Variants in STPG2 observed in about 807,000 individuals in gnomAD.
STPG2 encodes sperm tail PG-rich repeat containing 2, also known as sperm-tail PG-rich repeat-containing protein 2.
Under a neutral mutation model 54.2 loss-of-function variants are expected in STPG2, and 56 were observed. That is an observed-to-expected ratio of 1.03 (90% CI 0.83 to 1.29). STPG2 has a LOEUF of 1.29. Ranked by LOEUF, STPG2 falls within the 50% of genes most tolerant of loss-of-function variation. The pLI is 0.00. For synonymous variants in STPG2, 200 were observed against 181.8 expected (o/e 1.10, Z -0.81); for missense variants, 596 against 544.9 (o/e 1.09, Z -0.93).
intron 5 of STPG2, among the ~76,000 whole-genome samples, chr4:98,095,137 T>C (rs531433456): frequency 5.9e-5 from 9 of 152,250 alleles, no homozygotes; most frequent in African/African-American, 1.7e-4. Context: ...TACAAGATAG[T>C]ATTTGGAAGC....
rs544064631 is a variant in STPG2 at position 98,021,298 on chromosome 4, G to A, written c.613-39980C>T. 2.4e-5 allele frequency among the ~76,000 whole-genome samples: 3 copies of A among 126,258 alleles called. 1 individual carries two copies. The highest frequency in any genetic ancestry group is 1.5e-4 in the Admixed American group (2 of 13,304). 82.8% of individuals were successfully genotyped at this position (126,258 alleles called of 152,430 possible). ...TTTACCCAGTAGTCATTCAGGAGCA[G>A]GTTGTTCAGTTTCCATGTAGTTGAG... On this transcript the variant is annotated intron_variant, in intron 5 of 10. Coordinates refer to ENST00000295268, the MANE Select transcript of STPG2 (RefSeq NM_174952.3).
chr4:97,536,802 T>C (rs1467097692), intron 4 of STPG2, among the ~76,000 whole-genome samples: 1 of 152,200 alleles, frequency 6.6e-6, no homozygotes, highest in Non-Finnish European at 1.5e-5. Flanking sequence ...TGCTCCATCA[T>C]GGAACTCATA....
intron 5 of STPG2, among the ~76,000 whole-genome samples, chr4:98,014,465 A>G (rs1461547159): frequency 6.6e-6 from 1 of 152,106 alleles, no homozygotes; most frequent in East Asian, 1.9e-4. Context: ...CTCGGTTGCC[A>G]GTGCAAAATT....
intron 9 of STPG2, among the ~76,000 whole-genome samples, chr4:97,784,570 T>C (rs1472621858): frequency 1.3e-5 from 2 of 151,886 alleles, no homozygotes; most frequent in African/African-American, 4.8e-5. Flanking sequence ...CAAGTATAAA[T>C]GGTAGTAGTA....
intron 4 of STPG2, among the ~76,000 whole-genome samples, chr4:97,454,440 G>A (rs1020069532): frequency 4.1e-5 from 6 of 146,910 alleles, no homozygotes; most frequent in Middle Eastern, 3.8e-3. Context: ...GTGAACCCGG[G>A]AAGCAGAGCT....
chr4:97,933,939 A>G (rs1369744677), intron 8 of STPG2, among the ~76,000 whole-genome samples: 1 of 152,204 alleles, frequency 6.6e-6, no homozygotes, highest in African/African-American at 2.4e-5. Flanking sequence ...CATTGAATCT[A>G]TAAATTACTT....
At chr4:97,889,041 C>T (rs1730676487) in intron 8 of STPG2, among the ~76,000 whole-genome samples, 1 of 152,102 alleles carries the variant, frequency 6.6e-6, no homozygotes, top group African/African-American at 2.4e-5. Context: ...TAGCATCATG[C>T]TTCCTGTACA....
chr4:97,896,970 C>G (rs753345314), intron 8 of STPG2, among the ~76,000 whole-genome samples: 1 of 151,864 alleles, frequency 6.6e-6, no homozygotes, highest in African/African-American at 2.4e-5. Context: ...AAAGCTGTGT[C>G]ATGAGGGTTT....
At chr4:97,862,615 C>A (rs112244722) in intron 8 of STPG2, among the ~76,000 whole-genome samples, 1 of 152,116 alleles carries the variant, frequency 6.6e-6, no homozygotes, top group Non-Finnish European at 1.5e-5. Context: ...ATCTGCAGAA[C>A]GGTCCACCCC....
chr4:97,632,050 A>G (rs1333472889), intron 10 of STPG2, among the ~76,000 whole-genome samples: 2 of 152,088 alleles, frequency 1.3e-5, no homozygotes, highest in Non-Finnish European at 2.9e-5. Context: ...GTCTATATTC[A>G]AAAGAGATAA....
chr4:97,738,614 A>C (rs996634618), intron 9 of STPG2, among the ~76,000 whole-genome samples: 1 of 152,228 alleles, frequency 6.6e-6, no homozygotes, highest in African/African-American at 2.4e-5. Context: ...AGAGACAAAC[A>C]AGGCCATTAC....
intron 5 of STPG2, among the ~76,000 whole-genome samples, chr4:97,999,252 A>G (rs1735336121): frequency 6.6e-6 from 1 of 152,220 alleles, no homozygotes; most frequent in Non-Finnish European, 1.5e-5. Context: ...AATTATTTCA[A>G]AAACAACATA....
intron 9 of STPG2, among the ~76,000 whole-genome samples, chr4:97,779,690 A>G (rs1021498198): frequency 1.3e-5 from 2 of 152,194 alleles, no homozygotes; most frequent in Non-Finnish European, 2.9e-5. Flanking sequence ...AGAAAGATCG[A>G]GTTACCCACA....
At chr4:98,016,897 A>T (rs1204359663) in intron 5 of STPG2, among the ~76,000 whole-genome samples, 4 of 152,194 alleles carry the variant, frequency 2.6e-5, no homozygotes, top group African/African-American at 9.6e-5. Context: ...TTTACAAACA[A>T]GCTTCAGCAG....
At chr4:97,894,500 G>A (rs1036399565) in intron 8 of STPG2, among the ~76,000 whole-genome samples, 6 of 151,820 alleles carry the variant, frequency 4.0e-5, no homozygotes, top group Non-Finnish European at 8.8e-5. Context: ...CTGTAACTTT[G>A]TCTTCTAGCA....
chr4:98,061,615 A>G (rs75418560), intron 5 of STPG2, among the ~76,000 whole-genome samples: 9 of 151,498 alleles, frequency 5.9e-5, no homozygotes, highest in Middle Eastern at 3.4e-3. Flanking sequence ...AGAAAAAAAA[A>G]ATTTTAAAAA....
chr4:97,912,090 GC>G (rs1361311905), intron 8 of STPG2, among the ~76,000 whole-genome samples: 2 of 151,954 alleles, frequency 1.3e-5, no homozygotes, highest in Admixed American at 6.6e-5. Context: ...ACACGCGGCA[GC>G]CCTGCAGAAG....
At chr4:97,586,705 A>C (rs550425618) in intron 10 of STPG2, among the ~76,000 whole-genome samples, 1 of 151,934 alleles carries the variant, frequency 6.6e-6, no homozygotes, top group Non-Finnish European at 1.5e-5. Flanking sequence ...CACCATCAAC[A>C]TGAATTCTAT....
At chr4:97,850,388 T>C (rs980547764) in intron 8 of STPG2, among the ~76,000 whole-genome samples, 1 of 151,068 alleles carries the variant, frequency 6.6e-6, no homozygotes, top group Non-Finnish European at 1.5e-5. Context: ...AAAAGAAAAC[T>C]TAATGTATAC....
Sources: gnomAD v4.1 joint callset for allele counts (sites outside exome capture counted in the v4.1 genomes callset) on GRCh38, gnomAD v4.1.1 for gene constraint, MANE v1.5 for transcripts, NCBI Gene and HGNC (gene_info 2026-07-23, HGNC 2026-07-21) for gene names.